TXNDC16: variants seen among roughly 807,000 people sequenced by gnomAD.
TXNDC16 encodes the protein thioredoxin domain-containing protein 16.
Under a neutral mutation model 85.6 loss-of-function variants are expected in TXNDC16, and 74 were observed. The observed-to-expected ratio is 0.86, with a 90% CI of 0.72 to 1.05. The LOEUF is 1.05. Ranked by LOEUF, TXNDC16 falls within the 50% of genes least tolerant of loss-of-function variation. The probability of loss-of-function intolerance (pLI) is 0.00; values close to 1 mark genes in which losing one functional copy is unlikely to be tolerated. For missense variants in TXNDC16, 959 were observed against 947.0 expected, an observed-to-expected ratio of 1.01 and a Z score of -0.17; for synonymous variants, 335 against 326.5, an observed-to-expected ratio of 1.03 and a Z score of -0.28.
At chr14:52,464,297 T>A (rs2035721290) in intron 16 of TXNDC16, among the ~76,000 whole-genome samples, 1 of 152,256 alleles carries the variant, frequency 6.6e-6, no homozygotes, top group Non-Finnish European at 1.5e-5. Flanking sequence ...TTGTTTCTAG[T>A]TGCTACCAGA....
chr14:52,542,322 T>C (rs745927684), intron 4 of TXNDC16, 49 bp downstream of exon 4: 1 of 1,219,102 alleles, frequency 8.2e-7, no homozygotes, highest in African/African-American at 1.5e-5. Flanking sequence ...AGCCATAAAG[T>C]TGTAAGATGT....
Position 52,543,644 on chromosome 14 carries a change from G to A in TXNDC16, c.-73-14C>T. 7.0e-7 allele frequency: 1 copy of A among 1,430,120 alleles called. No homozygotes were observed. Among genetic ancestry groups the A allele is most frequent in the South Asian group, 1.3e-5 (1 of 76,558 alleles). 88.6% of individuals were successfully genotyped at this position (1,430,120 alleles called of 1,614,324 possible). Reference sequence around the variant, plus strand: ...CTAAGACAACACCTGGCACAGAGAAGGTATTCAACAAGAGTTTGTTGAATG... The same window carrying A: ...CTAAGACAACACCTGGCACAGAGAAAGTATTCAACAAGAGTTTGTTGAATG... On this transcript the variant is annotated splice_polypyrimidine_tract_variant and intron_variant, in intron 2 of 20. Coordinates refer to ENST00000281741, the MANE Select transcript of TXNDC16 (RefSeq NM_020784.3).
At chr14:52,543,712 A>G in intron 2 of TXNDC16, 82 bp from the exon 3 acceptor site, 2 of 801,006 alleles carry the variant, frequency 2.5e-6, no homozygotes, top group Non-Finnish European at 3.9e-6. Flanking sequence ...ACAAAAAGAA[A>G]GTCATTAGTC....
intron 20 of TXNDC16, among the ~76,000 whole-genome samples, chr14:52,437,680 T>C (rs1246483497): frequency 6.6e-6 from 1 of 152,156 alleles, no homozygotes; most frequent in African/African-American, 2.4e-5. Context: ...AAGGGATTAA[T>C]AGCCAGAGAA....
Position 52,470,610 on chromosome 14 carries a change from AAC to A in TXNDC16, c.1381_1382del (p.Val461TyrfsTer2), listed in dbSNP as rs1243071102. On this transcript the variant is annotated frameshift_variant, in exon 15 of 21. Coordinates refer to ENST00000281741, the MANE Select transcript of TXNDC16 (RefSeq NM_020784.3). LOFTEE classifies it high-confidence loss of function. ...ACATCTTTATGATAGGAAATTCAGT[AAC>A]ATTTTGCTTAGTACATACATCAGAC... The part of the protein sequence containing the change: ...DWSDVCTKQN[V>X]TEFPIIKMYK... 1 of 1,614,050 alleles carries A rather than the reference AAC, an allele frequency of 6.2e-7. No individual in the cohort carries two copies. The highest frequency in any genetic ancestry group is 8.5e-7 in the Non-Finnish European group (1 of 1,179,958).
chr14:52,443,768 A>G (rs2035218045), intron 18 of TXNDC16, among the ~76,000 whole-genome samples: 1 of 152,188 alleles, frequency 6.6e-6, no homozygotes, highest in Non-Finnish European at 1.5e-5. Flanking sequence ...CCTGTTTTTC[A>G]AAAGATGACT....
intron 6 of TXNDC16, among the ~76,000 whole-genome samples, chr14:52,528,285 A>G (rs1296777833): frequency 2.6e-5 from 4 of 152,304 alleles, no homozygotes; most frequent in African/African-American, 9.6e-5. Flanking sequence ...CATGGGTTAC[A>G]CATTTTTAAA....
intron 16 of TXNDC16, among the ~76,000 whole-genome samples, chr14:52,464,749 C>A (rs2035732787): frequency 6.6e-6 from 1 of 152,056 alleles, no homozygotes; most frequent in Non-Finnish European, 1.5e-5. Context: ...CTGGCCAACA[C>A]AGTGAAACCC....
At chr14:52,530,263 T>TA (rs1456568726) in intron 6 of TXNDC16, among the ~76,000 whole-genome samples, 16 of 65,412 alleles carry the variant, frequency 2.4e-4, no homozygotes, top group Admixed American at 1.8e-3. Flanking sequence ...TATTATATAA[T>TA]ATATATTATT....
At position 52,537,818 on chromosome 14, in the gene TXNDC16, T is replaced by C. The variant is rs1291997873; in HGVS notation, c.244-146A>G. ...TTTTTTTCTGATTTGTATGCTATAA[T>C]TGTTCACATATTCAAGTGCATGAGA... On this transcript the variant is annotated intron_variant, in intron 4 of 20. Coordinates refer to ENST00000281741, the MANE Select transcript of TXNDC16 (RefSeq NM_020784.3). The C allele has an allele frequency of 1.5e-5, 9 of 581,298 alleles. No individual in the cohort carries two copies. The East Asian group carries it at 2.6e-4, about 17-fold the overall frequency. 36.0% of individuals were successfully genotyped at this position (581,298 alleles called of 1,614,324 possible). A position where few individuals can be genotyped will look rare whatever the true frequency, so the allele number is the denominator to read the frequency against.
intron 14 of TXNDC16, among the ~76,000 whole-genome samples, chr14:52,471,990 G>C (rs2035917956): frequency 6.7e-6 from 1 of 148,618 alleles, no homozygotes; most frequent in Non-Finnish European, 1.5e-5. Context: ...TATCAATTTA[G>C]GATATAGCCT....
chr14:52,542,522 C>A, intron 3 of TXNDC16, 69 bp from the exon 4 acceptor site: 1 of 1,078,474 alleles, frequency 9.3e-7, no homozygotes, highest in Admixed American at 1.9e-5. Context: ...AATCTGCAAA[C>A]ACAGAATAGA....
chr14:52,536,567 A>G (rs2037705309), intron 6 of TXNDC16, 152 bp downstream of exon 6: 1 of 731,136 alleles, frequency 1.4e-6, no homozygotes, highest in Non-Finnish European at 2.2e-6. Context: ...TAGATCCTCG[A>G]TGTGGGAAGA....
intron 9 of TXNDC16, among the ~76,000 whole-genome samples, chr14:52,492,421 T>G (rs1272450122): frequency 1.3e-5 from 2 of 152,188 alleles, no homozygotes; most frequent in Non-Finnish European, 2.9e-5. Context: ...GCTTACTGCC[T>G]AAGAGACATA....
chr14:52,454,747 C>T (rs1316670609), intron 18 of TXNDC16, among the ~76,000 whole-genome samples: 2 of 151,084 alleles, frequency 1.3e-5, no homozygotes, highest in East Asian at 1.9e-4. Context: ...ACCCGGGAGG[C>T]GGAGGTTGCA....
intron 1 of TXNDC16, among the ~76,000 whole-genome samples, chr14:52,549,484 A>T (rs189775825): frequency 6.6e-6 from 1 of 152,230 alleles, no homozygotes. Context: ...TCAAGAGAAA[A>T]CGCTAGTCTT....
chr14:52,457,337 T>C (rs1006390350), intron 16 of TXNDC16, among the ~76,000 whole-genome samples, 163 bp from the exon 17 acceptor site: 4 of 152,220 alleles, frequency 2.6e-5, no homozygotes, highest in African/African-American at 9.6e-5. Context: ...AATAAATCTG[T>C]ATTCTCTTTA....
intron 2 of TXNDC16, 129 bp downstream of exon 2, chr14:52,544,135 C>T (rs973435360): frequency 3.9e-5 from 6 of 152,278 alleles, no homozygotes; most frequent in African/African-American, 1.4e-4. Context: ...AATGCCTAAC[C>T]CTTAGATTTC....
At chr14:52,511,481 C>A in intron 8 of TXNDC16, 91 bp from the exon 9 acceptor site, 4 of 799,220 alleles carry the variant, frequency 5.0e-6, no homozygotes, top group Non-Finnish European at 7.2e-6. Flanking sequence ...TGTCTTAAGT[C>A]TCATGCTTTT....
Sources: allele counts gnomAD v4.1 joint callset (sites outside exome capture counted in the v4.1 genomes callset), GRCh38; gene constraint gnomAD v4.1.1; transcripts MANE v1.5; gene names NCBI Gene and HGNC (gene_info 2026-07-23, HGNC 2026-07-21).